Variants in RP1 observed in about 807,000 individuals in gnomAD.
RP1 encodes the protein RP1 axonemal microtubule associated, also known as oxygen-regulated protein 1.
A neutral mutation model predicts 14.8 loss-of-function variants in RP1; 16 were observed. The observed-to-expected ratio is 1.08, with a 90% CI of 0.73 to 1.65. The LOEUF (loss-of-function observed/expected upper bound fraction) is 1.65. RP1 is among the 40% of genes most tolerant of loss of function. The pLI is 0.00. For synonymous variants in RP1, 876 were observed against 883.6 expected, an observed-to-expected ratio of 0.99 and a Z score of 0.15; for missense variants, 2,631 against 2,535.0, an observed-to-expected ratio of 1.04 and a Z score of -0.81.
chr8:54,792,277 T>C (rs1810481525), intron 24 of RP1, among the ~76,000 whole-genome samples: 1 of 151,978 alleles, frequency 6.6e-6, no homozygotes, highest in African/African-American at 2.4e-5. Context: ...GGATCTTTGA[T>C]ATTAAACCCT....
At chr8:54,702,650 A>G (rs1808053406) in intron 14 of RP1, among the ~76,000 whole-genome samples, 1 of 152,166 alleles carries the variant, frequency 6.6e-6, no homozygotes, top group African/African-American at 2.4e-5. Flanking sequence ...AAATAAGACA[A>G]CAATGAAGTT....
chr8:54,701,382 T>G, intron 13 of RP1: 11 of 941,784 alleles, frequency 1.2e-5, no homozygotes, highest in Non-Finnish European at 1.6e-5. Flanking sequence ...TAGTACAAAG[T>G]TTCCATAAAA....
chr8:54,798,960 AT>A (rs1239127030), intron 24 of RP1, among the ~76,000 whole-genome samples: 11 of 152,022 alleles, frequency 7.2e-5, no homozygotes, highest in South Asian at 2.1e-4. Flanking sequence ...ATAGCAAAAA[AT>A]GTTAATATTT....
intron 15 of RP1, among the ~76,000 whole-genome samples, chr8:54,714,612 G>C (rs1051491546): frequency 6.6e-6 from 1 of 152,060 alleles, no homozygotes; most frequent in Non-Finnish European, 1.5e-5. Context: ...CTCTAGCCTC[G>C]TGCCTGCCAA....
intron 24 of RP1, among the ~76,000 whole-genome samples, chr8:54,806,044 A>G (rs1810842645): frequency 6.6e-6 from 1 of 151,930 alleles, no homozygotes; most frequent in Non-Finnish European, 1.5e-5. Flanking sequence ...TTTGAGACAG[A>G]GTCACACTCT....
chr8:54,654,353 A>T (rs2129326783), intron 5 of RP1, among the ~76,000 whole-genome samples: 1 of 152,308 alleles, frequency 6.6e-6, no homozygotes, highest in South Asian at 2.1e-4. Flanking sequence ...TTAGAAACTT[A>T]ATCTTGATTT....
chr8:54,724,731 C>T (rs1184379923), intron 16 of RP1, among the ~76,000 whole-genome samples: 2 of 152,180 alleles, frequency 1.3e-5, no homozygotes, highest in African/African-American at 4.8e-5. Context: ...GCCTTCTCTA[C>T]AGAGCGATAG....
intron 19 of RP1, among the ~76,000 whole-genome samples, chr8:54,752,767 G>T (rs376754021): frequency 6.6e-6 from 1 of 152,198 alleles, no homozygotes; most frequent in East Asian, 1.9e-4. Flanking sequence ...GCTTCTGGAT[G>T]TTGGAGGAAA....
intron 28 of RP1, among the ~76,000 whole-genome samples, chr8:54,867,912 C>G (rs1003951774): frequency 1.3e-5 from 2 of 152,124 alleles, no homozygotes; most frequent in Non-Finnish European, 2.9e-5. Context: ...TGAATAGACA[C>G]AGATGGTTAG....
chr8:54,854,840 G>C (rs1237895133), intron 26 of RP1, among the ~76,000 whole-genome samples: 1 of 152,250 alleles, frequency 6.6e-6, no homozygotes, highest in South Asian at 2.1e-4. Context: ...ACTCCAGCCT[G>C]GGTGACAGAG....
chr8:54,859,715 G>C (rs1180713798), intron 27 of RP1, among the ~76,000 whole-genome samples: 1 of 152,038 alleles, frequency 6.6e-6, no homozygotes, highest in Non-Finnish European at 1.5e-5. Context: ...GGTTGCTGCA[G>C]AGTGGTGTCA....
At chr8:54,589,412 G>T (rs1356239748) in intron 1 of RP1, among the ~76,000 whole-genome samples, 1 of 151,966 alleles carries the variant, frequency 6.6e-6, no homozygotes, top group Non-Finnish European at 1.5e-5. Flanking sequence ...GAATATAATG[G>T]TTTTTAAGAA....
intron 1 of RP1, among the ~76,000 whole-genome samples, chr8:54,617,283 T>C (rs1805742232): frequency 6.6e-6 from 1 of 152,224 alleles, no homozygotes. Context: ...GCTCAGTTTG[T>C]TCGTTCCCTA....
chr8:54,834,326 T>C (rs2129402047), intron 24 of RP1, among the ~76,000 whole-genome samples: 1 of 152,166 alleles, frequency 6.6e-6, no homozygotes, highest in Non-Finnish European at 1.5e-5. Flanking sequence ...GAATATGATA[T>C]TCTGTGCAGG....
chr8:54,771,992 G>C (rs188202503), downstream of RP1, among the ~76,000 whole-genome samples: 2 of 151,992 alleles, frequency 1.3e-5, no homozygotes, highest in East Asian at 3.9e-4. Context: ...ATTTAAAGGA[G>C]AAAAGGAAAA....
intron 16 of RP1, among the ~76,000 whole-genome samples, chr8:54,723,292 AT>A (rs940282506): frequency 1.6e-4 from 24 of 152,164 alleles, no homozygotes; most frequent in East Asian, 3.9e-4. Flanking sequence ...ACTTCATGGC[AT>A]TTTTTTTATC....
intron 1 of RP1, among the ~76,000 whole-genome samples, chr8:54,576,765 G>A (rs1210882084): frequency 6.6e-6 from 1 of 152,172 alleles, no homozygotes; most frequent in African/African-American, 2.4e-5. Context: ...TTTCCACTTT[G>A]GGTCTGGAAA....
chr8:54,616,233 T>C (rs1165470479), intron 1 of RP1, 31 bp downstream of exon 1: 1 of 152,268 alleles, frequency 6.6e-6, no homozygotes, highest in Admixed American at 6.5e-5. Flanking sequence ...AATCTTTCTT[T>C]GGAAAATATT....
chr8:54,867,989 A>T (rs150970176), intron 28 of RP1, among the ~76,000 whole-genome samples: 91 of 152,318 alleles, frequency 6.0e-4, no homozygotes, highest in African/African-American at 2.1e-3. Context: ...ATTTGGTATC[A>T]TATGAAGCTG....
Sources: allele counts gnomAD v4.1 joint callset (sites outside exome capture counted in the v4.1 genomes callset), GRCh38; gene constraint gnomAD v4.1.1; transcripts MANE v1.5; gene names NCBI Gene and HGNC (gene_info 2026-07-23, HGNC 2026-07-21).